ZNF653: variants seen among roughly 807,000 people sequenced by gnomAD.
ZNF653 encodes 67 kDa zinc finger protein.
Under a neutral mutation model 59.9 loss-of-function variants are expected in ZNF653, and 37 were observed. That is an observed-to-expected ratio of 0.62 (90% CI 0.48 to 0.81). The LOEUF is 0.81. Ranked by LOEUF, ZNF653 falls within the 40% of genes least tolerant of loss-of-function variation. The pLI is 0.00. For missense variants in ZNF653, 808 were observed against 881.1 expected (o/e 0.92, Z 1.05); for synonymous variants, 435 against 371.8 (o/e 1.17, Z -1.96).
chr19:11,494,478 G>A (rs575738917), intron 3 of ZNF653, among the ~76,000 whole-genome samples: 1 of 152,066 alleles, frequency 6.6e-6, no homozygotes, highest in Non-Finnish European at 1.5e-5. Flanking sequence ...ATCAACTGAG[G>A]TCAGGAGTTC....
intron 1 of ZNF653, among the ~76,000 whole-genome samples, chr19:11,502,610 C>G (rs922838016): frequency 6.6e-6 from 1 of 152,138 alleles, no homozygotes; most frequent in Non-Finnish European, 1.5e-5. Flanking sequence ...GTGGGAGGAT[C>G]TCTTGAGTCC....
At position 11,483,501 on chromosome 19, in the gene ZNF653, C is replaced by T. The variant is rs1327096639; in HGVS notation, c.*181G>A. The T allele has an allele frequency of 1.2e-5, 17 of 1,399,108 alleles. No individual in the cohort carries two copies. Among genetic ancestry groups the T allele is most frequent in the Non-Finnish European group, 1.6e-5 (17 of 1,077,694 alleles). 86.7% of individuals were successfully genotyped at this position (1,399,108 alleles called of 1,614,324 possible). On this transcript the variant is annotated 3_prime_UTR_variant, in exon 9 of 9. Coordinates refer to ENST00000293771, the MANE Select transcript of ZNF653 (RefSeq NM_138783.4). ...GCAATGCAGCCCCAGGCACCAGCTC[C>T]GAGAAGGATGCGGTGGGGCGGGGTG...
intron 7 of ZNF653, 99 bp from the exon 8 acceptor site, chr19:11,484,240 TGG>T: frequency 1.0e-6 from 1 of 980,728 alleles, no homozygotes; most frequent in Non-Finnish European, 1.6e-6. Flanking sequence ...GCTGTCTCCT[TGG>T]ATCTCCCAGG....
chr19:11,496,056 G>A lies in ZNF653; in HGVS notation c.453C>T (p.Gly151=). ...ACTGCCACACGGCCGTGGTGTACAGGCCAAAAGTGGGGTCTAGCTCCGCCA... is the reference window on the plus strand; with the variant it reads ...ACTGCCACACGGCCGTGGTGTACAGACCAAAAGTGGGGTCTAGCTCCGCCA... The part of the protein sequence containing the change: ...PHLAELDPTF[G]LYTTAVWQCE... Residue 151 remains glycine, a synonymous_variant, in exon 3 of 9, where the codon GGC becomes GGT. Transcript: ENST00000293771. 6.2e-7 allele frequency: 1 copy of A among 1,614,180 alleles called. No homozygotes were observed. Among genetic ancestry groups the A allele is most frequent in the South Asian group, 1.1e-5 (1 of 91,088 alleles).
chr19:11,484,183 G>T, intron 7 of ZNF653, 42 bp from the exon 8 acceptor site: 2 of 1,449,494 alleles, frequency 1.4e-6, no homozygotes, highest in Non-Finnish European at 9.5e-7. Context: ...GTGGGCTATG[G>T]GGTGTCTCTG....
chr19:11,502,854 C>T (rs1459561065), intron 1 of ZNF653, among the ~76,000 whole-genome samples: 3 of 151,990 alleles, frequency 2.0e-5, no homozygotes, highest in Admixed American at 6.6e-5. Flanking sequence ...GCCAACATGG[C>T]GAAACCCCGT....
At chr19:11,505,284 A>G in intron 1 of ZNF653, 1 of 526,792 alleles carries the variant, frequency 1.9e-6, no homozygotes, top group Non-Finnish European at 3.2e-6. Flanking sequence ...GCACCCTAGG[A>G]TTGGGCAGTC....
At position 11,495,870 on chromosome 19, in the gene ZNF653, G is replaced by C; in HGVS notation, c.559+80C>G. 7.0e-7 allele frequency: 1 copy of C among 1,420,992 alleles called. No individual in the cohort carries two copies. Among genetic ancestry groups the C allele is most frequent in the Non-Finnish European group, 9.6e-7 (1 of 1,041,742 alleles). 88.0% of individuals were successfully genotyped at this position (1,420,992 alleles called of 1,614,324 possible). ...CCAGAGCCACTGTGGCTGCTATTCT[G>C]TTTGTGATGCTAGCCTAGGGCTCGT... On this transcript the variant is annotated intron_variant, in intron 3 of 8. Transcript: ENST00000293771. This position sits in a 1 kb window ranked among gnomAD's most constrained non-coding sequence, Gnocchi z 4.9.
At chr19:11,498,231 C>A (rs1002666235) in intron 2 of ZNF653, 65 bp downstream of exon 2, 72 of 1,610,416 alleles carry the variant, frequency 4.5e-5, no homozygotes, top group Non-Finnish European at 5.9e-5. Flanking sequence ...CTCTCTGGGC[C>A]TCCATCTCCA....
chr19:11,488,524 C>T (rs969601242), intron 3 of ZNF653, among the ~76,000 whole-genome samples: 1 of 151,644 alleles, frequency 6.6e-6, no homozygotes, highest in African/African-American at 2.4e-5. Context: ...GACCTCAAGT[C>T]ATCTGCCCGC....
In ZNF653 at chr19:11,505,494, C is replaced by G; in HGVS notation, c.293G>C (p.Arg98Pro). The G allele has an allele frequency of 6.7e-7, 1 of 1,482,462 alleles. No homozygotes were observed. Among genetic ancestry groups the G allele is most frequent in the Non-Finnish European group, 8.9e-7 (1 of 1,128,784 alleles). 91.8% of individuals were successfully genotyped at this position (1,482,462 alleles called of 1,614,324 possible). ...ISLERGQRSGRHGKPWEQVPK... is the reference protein window; with the variant it reads ...ISLERGQRSGPHGKPWEQVPK... Reference sequence around the variant, plus strand: ...CGGGGCCAGGCCCCCTCACCCGTGGCGGCCGCTCCGCTGGCCGCGCTCCAG... The same window carrying G: ...CGGGGCCAGGCCCCCTCACCCGTGGGGGCCGCTCCGCTGGCCGCGCTCCAG... Residue 98 changes from arginine (R) to proline (P), a missense_variant, in exon 1 of 9, where the codon CGC becomes CCC. Transcript: ENST00000293771.
Position 11,487,347 on chromosome 19 carries a change from A to G in ZNF653, c.1116T>C (p.Gly372=). 1 of 1,613,190 alleles carries G rather than the reference A, an allele frequency of 6.2e-7. No homozygotes were observed. The highest frequency in any genetic ancestry group is 8.5e-7 in the Non-Finnish European group (1 of 1,179,814). Residue 372 remains glycine (G), a synonymous_variant, in exon 4 of 9, where the codon GGT becomes GGC. Coordinates refer to ENST00000293771, the MANE Select transcript of ZNF653 (RefSeq NM_138783.4). This position sits in a 1 kb window ranked among gnomAD's most constrained non-coding sequence, Gnocchi z 5.1. Reference sequence around the variant, plus strand: ...TGGCGTCCATGGTGCTAGGCTGGCTACCCTCGGGCTCTGTCTGGGTGTAGG... The same window carrying G: ...TGGCGTCCATGGTGCTAGGCTGGCTGCCCTCGGGCTCTGTCTGGGTGTAGG... ...VAAYTQTEPE[G]SQPSTMDATA... is the part of the protein sequence containing the mutation.
rs1018429485 is a variant in ZNF653, at chr19:11,496,309, G to C, written c.344-144C>G. Reference sequence around the variant, plus strand: ...ATCCAGGCCTGTACCCAGTTTAAAGGGGGAAACTGAGGCTCAGAGAGGAGA... The same window carrying C: ...ATCCAGGCCTGTACCCAGTTTAAAGCGGGAAACTGAGGCTCAGAGAGGAGA... On this transcript the variant is annotated intron_variant, in intron 2 of 8. Coordinates refer to ENST00000293771, the MANE Select transcript of ZNF653 (RefSeq NM_138783.4). 6 of 792,310 alleles carry C rather than the reference G, an allele frequency of 7.6e-6. No homozygotes were observed. In the African/African-American group the frequency reaches 8.7e-5, roughly 11 times the overall value. 49.1% of individuals were successfully genotyped at this position (792,310 alleles called of 1,614,324 possible).
rs1054845135 is a variant in ZNF653 at position 11,505,676 on chromosome 19, C to T, written c.111G>A (p.Pro37=). 3.2e-5 allele frequency: 48 copies of T among 1,491,592 alleles called. No homozygotes were observed. The highest frequency in any genetic ancestry group is 4.1e-5 in the Non-Finnish European group (46 of 1,128,698). The allele number at this position is 1,491,592 out of a possible 1,614,324, so 92.4% of individuals were successfully genotyped here. A position where few individuals can be genotyped will look rare whatever the true frequency, so the allele number is the denominator to read the frequency against. The change falls in exon 1 of 9, where the codon CCG becomes CCA. Residue 37 remains proline (P), a synonymous_variant. Transcript: ENST00000293771. ...GAAGRKARGR[P]RLTESDRARR... Reference sequence around the variant, plus strand: ...GGGCCCGGTCCGACTCCGTGAGTCGCGGCCGGCCCCGCGCCTTTCGGCCCG... The same window carrying T: ...GGGCCCGGTCCGACTCCGTGAGTCGTGGCCGGCCCCGCGCCTTTCGGCCCG...
At position 11,505,598 on chromosome 19, in the gene ZNF653, G is replaced by T. The variant is rs780235427; in HGVS notation, c.189C>A (p.Gly63=). The part of the protein sequence containing the change: ...KKYDVRRVYL[G]EAHGPWVDLR... ...GGTCCACCCAGGGCCCGTGCGCCTC[G>T]CCCAGGTACACGCGCCGCACGTCGT... The change falls in exon 1 of 9, where the codon GGC becomes GGA. Residue 63 remains glycine, a synonymous_variant. Transcript: ENST00000293771. 6.6e-6 allele frequency: 10 copies of T among 1,506,696 alleles called. No individual in the cohort carries two copies. Among genetic ancestry groups the T allele is most frequent in the Non-Finnish European group, 8.8e-6 (10 of 1,135,326 alleles). The allele number at this position is 1,506,696 out of a possible 1,614,324, so 93.3% of individuals were successfully genotyped here.
intron 6 of ZNF653, 34 bp downstream of exon 6, chr19:11,486,735 G>A: frequency 6.5e-7 from 1 of 1,545,134 alleles, no homozygotes; most frequent in Non-Finnish European, 8.8e-7. Context: ...GGCCTTGTGG[G>A]CCTGGCCCAG....
At chr19:11,498,930 G>A (rs1250598531) in intron 1 of ZNF653, among the ~76,000 whole-genome samples, 1 of 151,780 alleles carries the variant, frequency 6.6e-6, no homozygotes, top group Non-Finnish European at 1.5e-5. Context: ...TCACCATGTT[G>A]GCCATCCTGG....
intron 1 of ZNF653, chr19:11,500,853 G>A (rs1291471953): frequency 6.6e-6 from 1 of 152,320 alleles, no homozygotes; most frequent in South Asian, 2.1e-4. Flanking sequence ...TCTGACACAG[G>A]GTCACCATGG....
In ZNF653 at chr19:11,498,304, C is replaced by A. The variant is rs761510118; in HGVS notation, c.335G>T (p.Arg112Leu). ...GCTGAGCCTCCACTTACTTTTCTTC[C>A]GCTTTGGCTTTTTGGGGACCTGCTC... ...PWEQVPKKPK[R>L]KKRRRRNVNC... The change falls in exon 2 of 9, where the codon CGG (arginine) becomes CTG (leucine). Residue 112 changes from arginine (R) to leucine (L), a missense_variant. By Grantham distance (102) the Arg-to-Leu change is moderately radical. Transcript: ENST00000293771. 1.1e-5 allele frequency: 17 copies of A among 1,614,102 alleles called. No individual in the cohort carries two copies. The highest frequency in any genetic ancestry group is 1.6e-4 in the Middle Eastern group (1 of 6,062).
Sources: allele counts gnomAD v4.1 joint callset (sites outside exome capture counted in the v4.1 genomes callset), GRCh38; gene constraint gnomAD v4.1.1; non-coding constraint Gnocchi (gnomAD v3.1); transcripts MANE v1.5; gene names NCBI Gene and HGNC (gene_info 2026-07-23, HGNC 2026-07-21).